DNASE2: variants seen among roughly 807,000 people sequenced by gnomAD.
DNASE2 encodes the protein deoxyribonuclease 2, lysosomal.
Under a neutral mutation model 29.8 loss-of-function variants are expected in DNASE2, and 26 were observed. That is an observed-to-expected ratio of 0.87 (90% confidence interval 0.64 to 1.21). The LOEUF (loss-of-function observed/expected upper bound fraction) is 1.21. Ranked by LOEUF, DNASE2 falls within the 50% of genes most tolerant of loss-of-function variation. DNASE2 has a pLI of 0.00. For synonymous variants in DNASE2, 186 were observed against 193.5 expected (o/e 0.96, Z 0.32); for missense variants, 415 against 455.6 (o/e 0.91, Z 0.81).
In DNASE2 at chr19:12,876,271, A is replaced by G. The variant is rs1250254733; in HGVS notation, c.802T>C (p.Ser268Pro). The G allele has an allele frequency of 7.4e-6, 12 of 1,614,072 alleles. No individual in the cohort carries two copies. The highest frequency in any genetic ancestry group is 1.0e-5 in the Non-Finnish European group (12 of 1,180,022). ...ACATTCAGAACCTGCCAGATATCCG[A>G]GCAGTTAGAGGGCAGGATGCCTACA... ...KTVGILPSNC[S>P]DIWQVLNVNQ... The change falls in exon 6 of 6, where the codon TCG becomes CCG. Residue 268 changes from serine (S) to proline (P), a missense_variant. Transcript: ENST00000222219.
rs752690525 is a variant in DNASE2 at position 12,878,808 on chromosome 19, C to T, written c.373G>A (p.Gly125Ser). ...KGVLLLDHDGGFWLVHSVPNF... is the reference protein window; with the variant it reads ...KGVLLLDHDGSFWLVHSVPNF... ...GGTACACTGTGGACCAGCCAGAAGC[C>T]CCCATCGTGGTCAAGGAGCAGGACA... Residue 125 changes from glycine (G) to serine (S), a missense_variant, in exon 4 of 6, where the codon GGC (glycine) becomes AGC (serine). Physicochemically the swap from Gly to Ser is moderately conservative, Grantham distance 56. Transcript: ENST00000222219. 4 of 1,613,560 alleles carry T rather than the reference C, an allele frequency of 2.5e-6. No individual in the cohort carries two copies. In the East Asian group the frequency reaches 6.7e-5, roughly 27 times the overall value.
chr19:12,880,614 C>T (rs2145922926), intron 3 of DNASE2, among the ~76,000 whole-genome samples, 188 bp downstream of exon 3: 1 of 151,990 alleles, frequency 6.6e-6, no homozygotes, highest in South Asian at 2.1e-4. Context: ...CAAGATTGTG[C>T]CACTGCACTC....
At position 12,878,164 on chromosome 19, in the gene DNASE2, T is replaced by C. The variant is rs374821354; in HGVS notation, c.709+218A>G. The C allele has an allele frequency of 6.6e-6, 4 of 605,068 alleles. No individual in the cohort carries two copies. The African/African-American group carries it at 7.4e-5, about 11-fold the overall frequency. The allele number at this position is 605,068 out of a possible 1,614,324, so 37.5% of individuals were successfully genotyped here. On this transcript the variant is annotated intron_variant, in intron 5 of 5. Transcript: ENST00000222219. ...TCATTCACAATTTTTTAAGTAGATG[T>C]CAGTATCCCCATTTTTCAGATGAGT... is the stretch of plus-strand genomic sequence containing the variant.
At chr19:12,877,602 G>C (rs1055802291) in intron 5 of DNASE2, among the ~76,000 whole-genome samples, 1 of 151,888 alleles carries the variant, frequency 6.6e-6, no homozygotes, top group Non-Finnish European at 1.5e-5. Context: ...CTGGAGTGCA[G>C]TGGCACTATC....
chr19:12,880,148 G>A (rs1002709616), intron 3 of DNASE2, among the ~76,000 whole-genome samples: 2 of 150,718 alleles, frequency 1.3e-5, no homozygotes, highest in Admixed American at 6.6e-5. Flanking sequence ...GGGGGGTACC[G>A]GCAGGCCCAG....
In DNASE2 at chr19:12,876,221, T is replaced by C; in HGVS notation, c.852A>G (p.Pro284=). The C allele has an allele frequency of 6.2e-7, 1 of 1,614,186 alleles. No individual in the cohort carries two copies. The highest frequency in any genetic ancestry group is 8.5e-7 in the Non-Finnish European group (1 of 1,180,036). Residue 284 remains proline (P), a synonymous_variant, in exon 6 of 6, where the codon CCA becomes CCG. Coordinates refer to ENST00000222219, the MANE Select transcript of DNASE2 (RefSeq NM_001375.3). ...CTGTGCTGTTGAAGCTTGGGCCGGC[T>C]GGTCCAGGGAAAGCTATCTGGTTCA... ...LNVNQIAFPG[P]AGPSFNSTED... is the part of the protein sequence containing the mutation.
rs1433783402 is a variant in DNASE2 at position 12,876,338 on chromosome 19, T to A, written c.735A>T (p.Ala245=). 4 of 1,613,748 alleles carry A rather than the reference T, an allele frequency of 2.5e-6. No individual in the cohort carries two copies. Among genetic ancestry groups the A allele is most frequent in the Non-Finnish European group, 3.4e-6 (4 of 1,180,022 alleles). The change falls in exon 6 of 6, where the codon GCA becomes GCT. Residue 245 remains alanine, a synonymous_variant. Coordinates refer to ENST00000222219, the MANE Select transcript of DNASE2 (RefSeq NM_001375.3). ...GDDLYSGWLA[A]ALGTNLQVQF... is the part of the protein sequence containing the mutation. ...GGACCTGCAGGTTGGTACCAAGGGC[T>A]GCTGCCAACCAGCCGGAGTACAGGT...
Position 12,876,132 on chromosome 19 carries a change from C to T in DNASE2, c.941G>A (p.Arg314Gln), listed in dbSNP as rs1061192. The T allele has an allele frequency of 1.1e-5, 18 of 1,614,200 alleles. No homozygotes were observed. The highest frequency in any genetic ancestry group is 2.7e-5 in the African/African-American group (2 of 75,052). Residue 314 changes from arginine to glutamine, a missense_variant, in exon 6 of 6, where the codon CGG (arginine) becomes CAG (glutamine). Physicochemically the swap from Arg to Gln is conservative, Grantham distance 43. Transcript: ENST00000222219. ...ACCCCGTTGCTCCTCTCCCTGGTTCCGATTCATGTCACCCACGCAGGTCCA... is the reference window on the plus strand; with the variant it reads ...ACCCCGTTGCTCCTCTCCCTGGTTCTGATTCATGTCACCCACGCAGGTCCA... Reference protein sequence around the residue: ...GPWTCVGDMNRNQGEEQRGGG... With the variant: ...GPWTCVGDMNQNQGEEQRGGG...
intron 2 of DNASE2, 34 bp from the exon 3 acceptor site, chr19:12,880,914 C>T (rs1344646228): frequency 6.2e-7 from 1 of 1,614,204 alleles, no homozygotes; most frequent in Admixed American, 1.7e-5. Context: ...ACGTGAAATT[C>T]CTCCCAGGCA....
rs530745380 is a variant in DNASE2 at position 12,878,175 on chromosome 19, A to G, written c.709+207T>C. The G allele has an allele frequency of 2.2e-5, 14 of 638,050 alleles. No individual in the cohort carries two copies. In the East Asian group the frequency reaches 3.4e-4, roughly 16 times the overall value. The allele number at this position is 638,050 out of a possible 1,614,324, so 39.5% of individuals were successfully genotyped here. ...TTTTTAAGTAGATGTCAGTATCCCC[A>G]TTTTTCAGATGAGTAGACCAAGGCT... On this transcript the variant is annotated intron_variant, in intron 5 of 5. Transcript: ENST00000222219.
In DNASE2 at chr19:12,881,070, T is replaced by G. The variant is rs772310267; in HGVS notation, c.169A>C (p.Ser57Arg). Residue 57 changes from serine (S) to arginine (R), a missense_variant, in exon 2 of 6, where the codon AGC (serine) becomes CGC (arginine). By Grantham distance (110) the Ser-to-Arg change is moderately radical. Coordinates refer to ENST00000222219, the MANE Select transcript of DNASE2 (RefSeq NM_001375.3). ...CTGCCGTCCCGCCAGCCTCCGGAGCTCTCGTCCAGATACTTGTACTGCAGC... is the reference window on the plus strand; with the variant it reads ...CTGCCGTCCCGCCAGCCTCCGGAGCGCTCGTCCAGATACTTGTACTGCAGC... ...RGLQYKYLDESSGGWRDGRAL... is the reference protein window; with the variant it reads ...RGLQYKYLDERSGGWRDGRAL... 1 of 1,612,648 alleles carries G rather than the reference T, an allele frequency of 6.2e-7. No individual in the cohort carries two copies. Among genetic ancestry groups the G allele is most frequent in the Non-Finnish European group, 8.5e-7 (1 of 1,179,968 alleles).
At position 12,878,531 on chromosome 19, in the gene DNASE2, T is replaced by C; in HGVS notation, c.560A>G (p.Glu187Gly). The change falls in exon 5 of 6, where the codon GAA (glutamate) becomes GGA (glycine). Residue 187 changes from glutamate to glycine, a missense_variant. Coordinates refer to ENST00000222219, the MANE Select transcript of DNASE2 (RefSeq NM_001375.3). ...GGGGAATTCCTGGGCAAAGATCCCT[T>C]CCAGCTGGTAGTTATAGACCCAGGG... The part of the protein sequence containing the change: ...TYPWVYNYQL[E>G]GIFAQEFPDL... The C allele has an allele frequency of 6.2e-7, 1 of 1,614,126 alleles. No homozygotes were observed. The highest frequency in any genetic ancestry group is 8.5e-7 in the Non-Finnish European group (1 of 1,180,024).
At chr19:12,876,998 C>G (rs959483051) in intron 5 of DNASE2, among the ~76,000 whole-genome samples, 1 of 151,502 alleles carries the variant, frequency 6.6e-6, no homozygotes, top group Non-Finnish European at 1.5e-5. Context: ...AATTTTTGTA[C>G]TTTTAGTAGA....
chr19:12,879,250 C>T (rs1024435877), intron 3 of DNASE2, among the ~76,000 whole-genome samples: 18 of 151,448 alleles, frequency 1.2e-4, no homozygotes, highest in Admixed American at 2.6e-4. Context: ...TTTGGGAAGC[C>T]GAGGAGGGCG....
At chr19:12,877,843 CTATT>C (rs1970338019) in intron 5 of DNASE2, among the ~76,000 whole-genome samples, 1 of 148,806 alleles carries the variant, frequency 6.7e-6, no homozygotes, top group African/African-American at 2.5e-5. Context: ...TGTGCCCAGC[CTATT>C]TATTTATTTT....
At chr19:12,876,443 T>C in intron 5 of DNASE2, 80 bp from the exon 6 acceptor site, 2 of 1,455,982 alleles carry the variant, frequency 1.4e-6, no homozygotes, top group Non-Finnish European at 1.8e-6. Context: ...CTCTCTCAGC[T>C]CAGTTTCCAT....
Position 12,881,381 on chromosome 19 carries a change from C to A in DNASE2, c.-6G>T. 1 of 1,555,490 alleles carries A rather than the reference C, an allele frequency of 6.4e-7. No individual in the cohort carries two copies. Among genetic ancestry groups the A allele is most frequent in the African/African-American group, 1.4e-5 (1 of 73,406 alleles). ...GCCAGCAGCAGCGGGATCATAGCTG[C>A]TATGGGGCTGAGATCCAGGAATCTG... is the stretch of plus-strand genomic sequence containing the variant. On this transcript the variant is annotated 5_prime_UTR_variant, in exon 1 of 6. Transcript: ENST00000222219.
intron 3 of DNASE2, among the ~76,000 whole-genome samples, chr19:12,879,842 G>A (rs941134702): frequency 2.0e-5 from 3 of 151,094 alleles, no homozygotes; most frequent in African/African-American, 4.9e-5. Flanking sequence ...GGTGGCTCAC[G>A]CCTGTAATCC....
chr19:12,881,346 C>T lies in DNASE2; in HGVS notation c.30G>A (p.Leu10=), dbSNP rs745720077. The T allele has an allele frequency of 5.7e-6, 9 of 1,566,048 alleles. No individual in the cohort carries two copies. The highest frequency in any genetic ancestry group is 1.2e-5 in the South Asian group (1 of 85,962). ...AGGTCAGGGCCCCGGCGGGGACGCA[C>T]AGCAGCGCTGCCAGCAGCAGCGGGA... MIPLLLAAL[L]CVPAGALTCY... Residue 10 remains leucine, a synonymous_variant, in exon 1 of 6, where the codon CTG becomes CTA. Transcript: ENST00000222219.
Sources: allele counts gnomAD v4.1 joint callset (sites outside exome capture counted in the v4.1 genomes callset), GRCh38; gene constraint gnomAD v4.1.1; transcripts MANE v1.5; gene names NCBI Gene and HGNC (gene_info 2026-07-23, HGNC 2026-07-21).